The following HTR1F variants were observed in gnomAD, a reference collection of about 807,000 sequenced individuals.
The protein encoded by HTR1F is 5-hydroxytryptamine receptor 1F, also known as 5-hydroxytryptamine (serotonin) receptor 1F, G protein-coupled.
A neutral mutation model predicts 24.0 loss-of-function variants in HTR1F; 17 were observed. That is an observed-to-expected ratio of 0.71 (90% CI 0.48 to 1.06). The LOEUF (loss-of-function observed/expected upper bound fraction) is 1.06. HTR1F is among the 50% of genes least tolerant of loss of function. The pLI, the probability that HTR1F is intolerant of heterozygous loss-of-function variation, is 0.00. For synonymous variants in HTR1F, 186 were observed against 156.8 expected, an observed-to-expected ratio of 1.19 and a Z score of -1.39; for missense variants, 391 against 427.8, an observed-to-expected ratio of 0.91 and a Z score of 0.76.
At chr3:87,876,074 G>A (rs1324366352) in intron 2 of HTR1F, among the ~76,000 whole-genome samples, 12 of 151,978 alleles carry the variant, frequency 7.9e-5, no homozygotes, top group Admixed American at 2.0e-4. Flanking sequence ...ACATTTATAC[G>A]TCCACTACTT....
intron 2 of HTR1F, among the ~76,000 whole-genome samples, chr3:87,825,907 C>A (rs1056267468): frequency 1.9e-4 from 29 of 152,156 alleles, no homozygotes; most frequent in African/African-American, 7.0e-4. Flanking sequence ...ACCACCACCT[C>A]TATCAGTGGT....
intron 2 of HTR1F, among the ~76,000 whole-genome samples, chr3:87,870,888 C>A (rs1195620374): frequency 2.0e-5 from 3 of 151,488 alleles, no homozygotes; most frequent in Non-Finnish European, 1.5e-5. Context: ...GAAAGGTACC[C>A]AGAATAATTA....
intron 2 of HTR1F, among the ~76,000 whole-genome samples, chr3:87,956,063 T>C (rs1704937130): frequency 6.6e-6 from 1 of 151,418 alleles, no homozygotes; most frequent in African/African-American, 2.4e-5. Flanking sequence ...TTTGGTAAAA[T>C]CAAATTTAAT....
At chr3:87,934,688 T>G (rs981023546) in intron 2 of HTR1F, among the ~76,000 whole-genome samples, 1 of 152,144 alleles carries the variant, frequency 6.6e-6, no homozygotes, top group Non-Finnish European at 1.5e-5. Context: ...AAATCTTCAT[T>G]CCAGGATCTG....
chr3:87,863,943 A>G (rs1365028221), intron 2 of HTR1F, among the ~76,000 whole-genome samples: 1 of 152,168 alleles, frequency 6.6e-6, no homozygotes, highest in Non-Finnish European at 1.5e-5. Context: ...AACCCAGAAT[A>G]TATTCTTTTT....
At chr3:87,943,602 G>A (rs1341932894) in intron 2 of HTR1F, among the ~76,000 whole-genome samples, 1 of 152,108 alleles carries the variant, frequency 6.6e-6, no homozygotes, top group Non-Finnish European at 1.5e-5. Context: ...TGCTGGGGTA[G>A]GGAGGTAGAC....
In HTR1F at chr3:87,898,163, G is replaced by T. The variant is rs542316245; in HGVS notation, c.-43+76039G>T. 5.3e-4 allele frequency among the ~76,000 whole-genome samples: 80 copies of T among 152,212 alleles called. 1 individual carries two copies. The highest frequency in any genetic ancestry group is 1.8e-3 in the African/African-American group (74 of 41,548). The stretch of plus-strand genomic sequence containing the variant: ...ACAGTATTACCAAGGAACAAGATGG[G>T]CTAAAAATAATAACCCAGATTACAA... On this transcript the variant is annotated intron_variant, in intron 2 of 2. Coordinates refer to ENST00000319595, the MANE Select transcript of HTR1F (RefSeq NM_001322209.2).
Position 87,926,425 on chromosome 3 carries a change from CTTT to C in HTR1F, c.-42-64280_-42-64278del, listed in dbSNP as rs1175930554. 1.1e-4 allele frequency among the ~76,000 whole-genome samples: 16 copies of C among 152,198 alleles called. 1 individual carries two copies. The East Asian group carries it at 2.7e-3, about 26-fold the overall frequency. On this transcript the variant is annotated intron_variant, in intron 2 of 2. Transcript: ENST00000319595. ...TATGCTCCCATAGCATTCTATTTTT[CTTT>C]TTATCAGAACACTAATAATAGTCTA...
chr3:87,797,753 A>C (rs1703928722), intron 1 of HTR1F, among the ~76,000 whole-genome samples: 1 of 152,228 alleles, frequency 6.6e-6, no homozygotes, highest in South Asian at 2.1e-4. Context: ...AAAGTTTCAA[A>C]AAGAAGATTA....
intron 2 of HTR1F, among the ~76,000 whole-genome samples, chr3:87,858,087 C>A (rs1368637672): frequency 6.6e-6 from 1 of 152,240 alleles, no homozygotes; most frequent in South Asian, 2.1e-4. Flanking sequence ...CTATTCTCTA[C>A]CCTAGTCCCA....
At chr3:87,836,167 T>C (rs1484469474) in intron 2 of HTR1F, among the ~76,000 whole-genome samples, 1 of 152,166 alleles carries the variant, frequency 6.6e-6, no homozygotes, top group Admixed American at 6.5e-5. Flanking sequence ...TCAGGGAATA[T>C]TTGTGATTCT....
At position 87,992,897 on chromosome 3, in the gene HTR1F, G is replaced by A. The variant is rs1355594478; in HGVS notation, c.*1047G>A. On this transcript the variant is annotated 3_prime_UTR_variant, in exon 3 of 3. Coordinates refer to ENST00000319595, the MANE Select transcript of HTR1F (RefSeq NM_001322209.2). ...AATATTTCTACTTTTCCAATTGGTA[G>A]AAATGAACAGGAAAAAAGACTCATA... 1 of 166,660 alleles carries A rather than the reference G, an allele frequency of 6.0e-6. No individual in the cohort carries two copies. Among genetic ancestry groups the A allele is most frequent in the Non-Finnish European group, 1.5e-5 (1 of 68,020 alleles). 10.3% of individuals were successfully genotyped at this position (166,660 alleles called of 1,614,324 possible).
At chr3:87,799,893 C>T (rs1703965968) in intron 1 of HTR1F, among the ~76,000 whole-genome samples, 1 of 152,126 alleles carries the variant, frequency 6.6e-6, no homozygotes, top group Admixed American at 6.5e-5. Context: ...TCTTTCTCCC[C>T]TAAATGTTTA....
At chr3:87,824,192 T>A (rs1704417150) in intron 2 of HTR1F, among the ~76,000 whole-genome samples, 1 of 152,184 alleles carries the variant, frequency 6.6e-6, no homozygotes, top group Admixed American at 6.5e-5. Flanking sequence ...ATGTACTAAA[T>A]TAACTTTTTG....
At chr3:87,935,508 A>C (rs982059690) in intron 2 of HTR1F, among the ~76,000 whole-genome samples, 2 of 152,166 alleles carry the variant, frequency 1.3e-5, no homozygotes, top group East Asian at 1.9e-4. Context: ...AAACAAAGAA[A>C]AAAAAAAAAG....
intron 2 of HTR1F, among the ~76,000 whole-genome samples, chr3:87,840,428 C>T (rs1275772453): frequency 4.6e-5 from 7 of 151,916 alleles, no homozygotes; most frequent in East Asian, 1.9e-4. Context: ...TGAAAATAAA[C>T]GTTGGTGAGA....
chr3:87,966,380 A>G (rs1705163339), intron 2 of HTR1F, among the ~76,000 whole-genome samples: 1 of 152,230 alleles, frequency 6.6e-6, no homozygotes, highest in South Asian at 2.1e-4. Flanking sequence ...GAACTGTTAC[A>G]TAACTAACTT....
Position 87,989,144 on chromosome 3 carries a change from G to A in HTR1F, c.-42-1564G>A, listed in dbSNP as rs1163019900. Among the ~76,000 whole-genome samples, 4 of 152,200 alleles carry A rather than the reference G, an allele frequency of 2.6e-5. No homozygotes were observed. The South Asian group carries it at 8.3e-4, about 32-fold the overall frequency. The stretch of plus-strand genomic sequence containing the variant: ...GAGAAGAGGATTGATTTAAAAAAAT[G>A]CTATTTATCAAAGATATTAATTCTA... On this transcript the variant is annotated intron_variant, in intron 2 of 2. Transcript: ENST00000319595.
intron 2 of HTR1F, among the ~76,000 whole-genome samples, chr3:87,880,689 T>G (rs2107279373): frequency 6.6e-6 from 1 of 151,878 alleles, no homozygotes; most frequent in South Asian, 2.1e-4. Flanking sequence ...TTGATGAGTA[T>G]GTCCATATAT....
Sources: allele counts gnomAD v4.1 joint callset (sites outside exome capture counted in the v4.1 genomes callset), GRCh38; gene constraint gnomAD v4.1.1; transcripts MANE v1.5; gene names NCBI Gene and HGNC (gene_info 2026-07-23, HGNC 2026-07-21).